The following ZNG1E variants were observed in gnomAD, a reference collection of about 807,000 sequenced individuals.
ZNG1E encodes zinc-regulated GTPase metalloprotein activator 1E.
At chr9:65,685,151 T>C in the ZNG1E span, among the ~76,000 whole-genome samples, 1 of 152,260 alleles carries the variant, frequency 6.6e-6, no homozygotes, top group Non-Finnish European at 1.5e-5. Context: ...TAAAAATATT[T>C]ATGGCTAAAA....
At chr9:65,717,493 T>G in the ZNG1E span, among the ~76,000 whole-genome samples, 20 of 149,512 alleles carry the variant, frequency 1.3e-4, no homozygotes, top group Admixed American at 1.1e-3. Context: ...TACTTCAAGG[T>G]TCCAGCCCTT....
chr9:65,720,033 G>A, the ZNG1E span: 4 of 1,597,686 alleles, frequency 2.5e-6, no homozygotes, highest in Non-Finnish European at 2.6e-6. Context: ...CTAATCAGTT[G>A]TTTTTAGTTT....
chr9:65,714,684 G>A, the ZNG1E span, among the ~76,000 whole-genome samples: 1 of 151,998 alleles, frequency 6.6e-6, no homozygotes, highest in Non-Finnish European at 1.5e-5. Flanking sequence ...GTGCCTCCCA[G>A]TTACCTCCCA....
At chr9:65,704,694 C>T in the ZNG1E span, 10 of 440,302 alleles carry the variant, frequency 2.3e-5, 1 homozygote, top group African/African-American at 7.1e-5. Flanking sequence ...GGGCGGATCA[C>T]GAGGTCAGGA....
the ZNG1E span, among the ~76,000 whole-genome samples, chr9:65,691,739 C>G: frequency 6.6e-6 from 1 of 151,968 alleles, no homozygotes; most frequent in Non-Finnish European, 1.5e-5. Flanking sequence ...AACACTCCTC[C>G]CTTACTTTAT....
the ZNG1E span, among the ~76,000 whole-genome samples, chr9:65,658,107 A>AC: frequency 7.5e-6 from 1 of 132,768 alleles, no homozygotes; most frequent in Non-Finnish European, 1.6e-5. Context: ...CTCAAAAAAA[A>AC]AAAAAAAAAC....
chr9:65,707,854 C>T, the ZNG1E span: 54 of 139,482 alleles, frequency 3.9e-4, no homozygotes, highest in East Asian at 0.01. Flanking sequence ...CTGTCCTCTG[C>T]TGTTCTTTTT....
At chr9:65,710,088 A>C in the ZNG1E span, among the ~76,000 whole-genome samples, 2 of 145,804 alleles carry the variant, frequency 1.4e-5, no homozygotes, top group African/African-American at 5.3e-5. Flanking sequence ...TTTGATGTGC[A>C]TTTCTCTGAT....
the ZNG1E span, among the ~76,000 whole-genome samples, chr9:65,678,612 T>A: frequency 4.1e-5 from 6 of 145,222 alleles, no homozygotes; most frequent in Non-Finnish European, 7.4e-5. Context: ...GATTTTCTTT[T>A]TTTCCTCTAT....
At chr9:65,683,897 A>T in the ZNG1E span, among the ~76,000 whole-genome samples, 7 of 152,400 alleles carry the variant, frequency 4.6e-5, no homozygotes, top group African/African-American at 1.7e-4. Flanking sequence ...TATTATTTGA[A>T]TCTGGTAAGA....
the ZNG1E span, among the ~76,000 whole-genome samples, chr9:65,658,116 A>AC: frequency 0.015 from 1,960 of 129,210 alleles, 38 homozygotes; most frequent in African/African-American, 0.054. Context: ...AAAAAAAAAA[A>AC]CTTATGTTCC....
the ZNG1E span, among the ~76,000 whole-genome samples, chr9:65,694,475 A>T: frequency 6.6e-6 from 1 of 151,868 alleles, no homozygotes; most frequent in South Asian, 2.1e-4. Flanking sequence ...ATGCAAACAC[A>T]GTAAACGTTT....
At chr9:65,703,867 T>C in the ZNG1E span, 32 of 963,630 alleles carry the variant, frequency 3.3e-5, 2 homozygotes, top group African/African-American at 6.4e-4. Context: ...ATTAATTTGG[T>C]ATGCATTCTC....
chr9:65,666,981 C>A, the ZNG1E span, among the ~76,000 whole-genome samples: 1 of 151,542 alleles, frequency 6.6e-6, no homozygotes, highest in Non-Finnish European at 1.5e-5. Flanking sequence ...CTATCACACT[C>A]GGCAGATTTT....
At chr9:65,691,061 GTTTTT>G in the ZNG1E span, 1 of 1,530,176 alleles carries the variant, frequency 6.5e-7, no homozygotes, top group Non-Finnish European at 8.7e-7. Context: ...TATCTTTCTT[GTTTTT>G]TTTTTGTTTT....
chr9:65,669,479 T>C, the ZNG1E span, among the ~76,000 whole-genome samples: 2 of 150,786 alleles, frequency 1.3e-5, no homozygotes, highest in African/African-American at 4.9e-5. Flanking sequence ...TATTACACCA[T>C]ACATCATTGC....
At chr9:65,661,158 T>A in the ZNG1E span, among the ~76,000 whole-genome samples, 2 of 140,348 alleles carry the variant, frequency 1.4e-5, no homozygotes, top group African/African-American at 5.8e-5. Flanking sequence ...AAAACATACC[T>A]TGGAGGGTGT....
the ZNG1E span, chr9:65,679,675 C>T: frequency 5.1e-5 from 13 of 255,956 alleles, no homozygotes; most frequent in African/African-American, 2.6e-4. Flanking sequence ...CTGCCTCAGC[C>T]TCTCGAGTAG....
At chr9:65,715,209 T>C in the ZNG1E span, among the ~76,000 whole-genome samples, 1 of 147,248 alleles carries the variant, frequency 6.8e-6, no homozygotes. Context: ...GGGAACTCCC[T>C]GACCCCCGTG....
Sources: allele counts gnomAD v4.1 joint callset (sites outside exome capture counted in the v4.1 genomes callset), GRCh38; gene constraint gnomAD v4.1.1; transcripts MANE v1.5; gene names NCBI Gene and HGNC (gene_info 2026-07-23, HGNC 2026-07-21).